Variants in PLB1 observed in about 807,000 individuals in gnomAD.
PLB1 encodes the protein phospholipase B1.
PLB1 carries 242 observed loss-of-function variants against 227.4 expected under a neutral mutation model. The observed-to-expected ratio is 1.06, with a 90% confidence interval of 0.96 to 1.18. The LOEUF (loss-of-function observed/expected upper bound fraction) is 1.18, where lower values mean the gene tolerates loss of function less well. PLB1 is among the 50% of genes most tolerant of loss of function. PLB1 has a pLI of 0.00. For missense variants in PLB1, 1,858 were observed against 1,816.3 expected, an observed-to-expected ratio of 1.02 and a Z score of -0.42; for synonymous variants, 757 against 682.2, an observed-to-expected ratio of 1.11 and a Z score of -1.71.
chr2:28,567,958 G>T (rs1259894852), intron 20 of PLB1, among the ~76,000 whole-genome samples: 1 of 152,014 alleles, frequency 6.6e-6, no homozygotes, highest in African/African-American at 2.4e-5. Flanking sequence ...TACTTTCCTG[G>T]TACATAGCCC....
At chr2:28,524,215 C>A (rs1669919674) in intron 4 of PLB1, among the ~76,000 whole-genome samples, 1 of 152,168 alleles carries the variant, frequency 6.6e-6, no homozygotes, top group African/African-American at 2.4e-5. Context: ...ACCACCACAC[C>A]TGGAGATACT....
At chr2:28,583,073 G>C (rs1558828168) in intron 25 of PLB1, among the ~76,000 whole-genome samples, 1 of 152,164 alleles carries the variant, frequency 6.6e-6, no homozygotes, top group African/African-American at 2.4e-5. Flanking sequence ...AGGTGCCTGA[G>C]AGGACGTCTT....
intron 15 of PLB1, among the ~76,000 whole-genome samples, chr2:28,549,700 A>C (rs926128406): frequency 6.6e-6 from 1 of 152,114 alleles, no homozygotes; most frequent in Non-Finnish European, 1.5e-5. Flanking sequence ...ACCTTCTTGC[A>C]CTTTTTGCTT....
chr2:28,597,514 C>T (rs1269273477), intron 33 of PLB1, among the ~76,000 whole-genome samples: 1 of 152,136 alleles, frequency 6.6e-6, no homozygotes, highest in Non-Finnish European at 1.5e-5. Context: ...AGTGAGCAGC[C>T]ACCCTTCTGA....
chr2:28,496,925 A>C (rs977664007), intron 1 of PLB1, among the ~76,000 whole-genome samples: 12 of 152,142 alleles, frequency 7.9e-5, no homozygotes, highest in African/African-American at 2.7e-4. Flanking sequence ...CCCCAGAGAG[A>C]GTGGAGGAGG....
chr2:28,624,909 C>T (rs1033859735), intron 49 of PLB1, 148 bp from the exon 50 acceptor site: 2 of 767,084 alleles, frequency 2.6e-6, no homozygotes, highest in African/African-American at 1.8e-5. Context: ...GTGATTGTTA[C>T]TAAGCTGAGA....
In PLB1 at chr2:28,642,910, C is replaced by T; in HGVS notation, c.4226C>T (p.Ala1409Val). ...LRNSRLLPDQ[A>V]EEAPEVLYWA... ...AACAGCCGATTGCTCCCAGACCAGG[C>T]TGAAGAAGCCCCCGAGGTGCTCTAC... Residue 1409 changes from alanine (A) to valine (V), a missense_variant, in exon 58 of 58, where the codon GCT (alanine) becomes GTT (valine). Ala to Val is a moderately conservative substitution (Grantham distance 64). Transcript: ENST00000327757. 1.9e-6 allele frequency: 3 copies of T among 1,608,828 alleles called. No homozygotes were observed. Among genetic ancestry groups the T allele is most frequent in the Non-Finnish European group, 2.5e-6 (3 of 1,177,606 alleles).
intron 11 of PLB1, 23 bp downstream of exon 11, chr2:28,539,201 A>G (rs747178680): frequency 6.3e-7 from 1 of 1,593,554 alleles, no homozygotes; most frequent in Non-Finnish European, 8.6e-7. Flanking sequence ...GTGGAATGAG[A>G]CACGCATCTG....
intron 9 of PLB1, among the ~76,000 whole-genome samples, chr2:28,533,883 A>G (rs538954498): frequency 6.6e-6 from 1 of 152,318 alleles, no homozygotes; most frequent in Admixed American, 6.5e-5. Context: ...ACTACATGTT[A>G]TTTGTATTTT....
rs556053112 is a variant in PLB1 at position 28,525,287 on chromosome 2, C to T, written c.264C>T (p.Gly88=). Residue 88 remains glycine, a synonymous_variant, in exon 5 of 58, where the codon GGC becomes GGT. Transcript: ENST00000327757. ...TCCAGCCTCCAGACCCAGGGACGGGCGATCTGGAGAAGCAAGACTGGTAAC... is the reference window on the plus strand; with the variant it reads ...TCCAGCCTCCAGACCCAGGGACGGGTGATCTGGAGAAGCAAGACTGGTAAC... ...NLEIPPDPGT[G]DLEKQDWTER... 1.4e-5 allele frequency: 22 copies of T among 1,613,508 alleles called. No individual in the cohort carries two copies. Among genetic ancestry groups the T allele is most frequent in the East Asian group, 1.1e-4 (5 of 44,876 alleles).
chr2:28,627,024 T>C (rs778563923), intron 51 of PLB1, among the ~76,000 whole-genome samples: 1 of 152,214 alleles, frequency 6.6e-6, no homozygotes, highest in Non-Finnish European at 1.5e-5. Flanking sequence ...CAAAAGTTTT[T>C]ATTTTGGAAT....
chr2:28,598,507 G>A lies in PLB1; in HGVS notation c.2366-145G>A, dbSNP rs77235698. On this transcript the variant is annotated intron_variant, in intron 34 of 57. Transcript: ENST00000327757. ...TAGGGTGGTCCCAGCTTATGTCCAG[G>A]ACACACACTGCCTCCCTGCCTCTCC... The A allele has an allele frequency of 0.016, 10,426 of 666,154 alleles. 761 individuals are homozygous for A. The African/African-American group carries it at 0.16, about 10-fold the overall frequency. 41.3% of individuals were successfully genotyped at this position (666,154 alleles called of 1,614,324 possible). A position where few individuals can be genotyped will look rare whatever the true frequency, so the allele number is the denominator to read the frequency against.
At chr2:28,518,932 T>C (rs1669168781) in intron 3 of PLB1, among the ~76,000 whole-genome samples, 1 of 152,220 alleles carries the variant, frequency 6.6e-6, no homozygotes, top group Non-Finnish European at 1.5e-5. Context: ...CTTTATCATA[T>C]TGAGAGGCTG....
chr2:28,544,580 G>A (rs1373055845), intron 14 of PLB1, among the ~76,000 whole-genome samples: 1 of 152,214 alleles, frequency 6.6e-6, no homozygotes, highest in Non-Finnish European at 1.5e-5. Context: ...GGCTTCAGGT[G>A]TAGCTGGGAA....
chr2:28,560,297 G>A (rs572044004), intron 17 of PLB1, among the ~76,000 whole-genome samples: 2 of 152,268 alleles, frequency 1.3e-5, no homozygotes, highest in African/African-American at 4.8e-5. Flanking sequence ...GACCTTGGGG[G>A]TGAGGTAATT....
At position 28,548,891 on chromosome 2, in the gene PLB1, T is replaced by G; in HGVS notation, c.968T>G (p.Leu323Trp). The change falls in exon 15 of 58, where the codon TTG (leucine) becomes TGG (tryptophan). Residue 323 changes from leucine to tryptophan, a missense_variant. Physicochemically the swap from Leu to Trp is moderately conservative, Grantham distance 61 (BLOSUM62 -2). Transcript: ENST00000327757. Reference protein sequence around the residue: ...MEPAGEKDEPLSVKHGRPMKC... With the variant: ...MEPAGEKDEPWSVKHGRPMKC... ...CCAGCAGGAGAGAAAGATGAGCCAT[T>G]GAGTGTAAAACACGGGAGGCCAATG... 1 of 1,614,124 alleles carries G rather than the reference T, an allele frequency of 6.2e-7. No homozygotes were observed. Among genetic ancestry groups the G allele is most frequent in the Non-Finnish European group, 8.5e-7 (1 of 1,179,998 alleles).
chr2:28,539,636 T>C (rs535356407), intron 11 of PLB1, among the ~76,000 whole-genome samples: 92 of 152,266 alleles, frequency 6.0e-4, no homozygotes, highest in Non-Finnish European at 1.2e-3. Flanking sequence ...ATTCTGGCTC[T>C]GGACCTAGAA....
chr2:28,553,010 G>T lies in PLB1; in HGVS notation c.1147+19G>T. 6.2e-7 allele frequency: 1 copy of T among 1,608,170 alleles called. No homozygotes were observed. Among genetic ancestry groups the T allele is most frequent in the Non-Finnish European group, 8.5e-7 (1 of 1,174,666 alleles). ...ACCTCAGGTACACAGCTTGCACCCAGTGATTTTAAAATTCATTCGAGGCCT... is the reference window on the plus strand; with the variant it reads ...ACCTCAGGTACACAGCTTGCACCCATTGATTTTAAAATTCATTCGAGGCCT... On this transcript the variant is annotated intron_variant, in intron 17 of 57. Transcript: ENST00000327757.
intron 37 of PLB1, 116 bp downstream of exon 37, chr2:28,601,448 A>C: frequency 2.7e-6 from 2 of 738,916 alleles, no homozygotes; most frequent in South Asian, 3.1e-5. Flanking sequence ...ACCTACACCT[A>C]TGTCTGCACA....
Sources: gnomAD v4.1 joint callset for allele counts (sites outside exome capture counted in the v4.1 genomes callset) on GRCh38, gnomAD v4.1.1 for gene constraint, MANE v1.5 for transcripts, NCBI Gene and HGNC (gene_info 2026-07-23, HGNC 2026-07-21) for gene names.